Variants in SNX9 observed in about 807,000 individuals in gnomAD.
The protein encoded by SNX9 is sorting nexin-9.
Under a neutral mutation model 89.4 loss-of-function variants are expected in SNX9, and 44 were observed. The observed-to-expected ratio is 0.49, with a 90% CI of 0.39 to 0.63. SNX9 has a LOEUF of 0.63. Among genes scored for constraint, SNX9 ranks in the 30% least tolerant of loss-of-function variants. The probability of loss-of-function intolerance (pLI) is 0.00; values close to 1 mark genes in which losing one functional copy is unlikely to be tolerated. For missense variants in SNX9, 578 were observed against 736.1 expected, an observed-to-expected ratio of 0.79 and a Z score of 2.49; for synonymous variants, 236 against 247.8, an observed-to-expected ratio of 0.95 and a Z score of 0.45.
At chr6:157,893,650 G>T (rs2115161074) in intron 4 of SNX9, among the ~76,000 whole-genome samples, 1 of 151,598 alleles carries the variant, frequency 6.6e-6, no homozygotes, top group Middle Eastern at 3.4e-3. Flanking sequence ...CTCAAATAAA[G>T]GGGAAGACTT....
chr6:157,915,143 A>G (rs1420456715), intron 9 of SNX9, among the ~76,000 whole-genome samples: 1 of 152,168 alleles, frequency 6.6e-6, no homozygotes, highest in African/African-American at 2.4e-5. Flanking sequence ...ATTCTGCTCC[A>G]TTGATTTATG....
Position 157,871,527 on chromosome 6 carries a change from G to A in SNX9, c.100-1575G>A, listed in dbSNP as rs375872658. ...GGAACGTCGCACACCAGGGCCTGTC[G>A]TCGGGTGGGAGGAGGGGGGAGGGAT... On this transcript the variant is annotated intron_variant, in intron 2 of 17. Coordinates refer to ENST00000392185, the MANE Select transcript of SNX9 (RefSeq NM_016224.5). Among the ~76,000 whole-genome samples the A allele has an allele frequency of 4.5e-4, 69 of 152,068 alleles. 1 individual carries two copies. The East Asian group carries it at 9.5e-3, about 21-fold the overall frequency.
intron 5 of SNX9, 119 bp downstream of exon 5, chr6:157,897,117 C>A: frequency 1.0e-6 from 1 of 993,608 alleles, no homozygotes; most frequent in Non-Finnish European, 1.4e-6. Flanking sequence ...GTTTTGTGAC[C>A]ACAGCATGGG....
intron 9 of SNX9, among the ~76,000 whole-genome samples, chr6:157,914,139 A>T (rs1451613642): frequency 6.6e-6 from 1 of 152,212 alleles, no homozygotes; most frequent in African/African-American, 2.4e-5. Context: ...GTAGTTCCAC[A>T]TCCCTACCTG....
rs777149323 is a variant in SNX9, at chr6:157,875,135, A to G, written c.259A>G (p.Thr87Ala). Residue 87 changes from threonine (T) to alanine (A), a missense_variant, in exon 4 of 18, where the codon ACA becomes GCA. By Grantham distance (58) the Thr-to-Ala change is moderately conservative. Coordinates refer to ENST00000392185, the MANE Select transcript of SNX9 (RefSeq NM_016224.5). ...CTTCCTTGATTCTCTCTCAGCCAGC[A>G]CAGCTCAGGCCAGTTCGTCGGCTGC... ...QAFLDSLSAS[T>A]AQASSSAASN... 3 of 1,614,060 alleles carry G rather than the reference A, an allele frequency of 1.9e-6. No homozygotes were observed. Among genetic ancestry groups the G allele is most frequent in the Non-Finnish European group, 1.7e-6 (2 of 1,179,960 alleles).
Position 157,943,869 on chromosome 6 carries a change from G to C in SNX9, c.*1031G>C, listed in dbSNP as rs990979841. The C allele has an allele frequency of 1.3e-5, 2 of 152,334 alleles. No individual in the cohort carries two copies. Among genetic ancestry groups the C allele is most frequent in the African/African-American group, 4.8e-5 (2 of 41,404 alleles). The allele number at this position is 152,334 out of a possible 1,614,324, so 9.4% of individuals were successfully genotyped here. A position where few individuals can be genotyped will look rare whatever the true frequency, so the allele number is the denominator to read the frequency against. On this transcript the variant is annotated 3_prime_UTR_variant, in exon 18 of 18. Transcript: ENST00000392185. The stretch of plus-strand genomic sequence containing the variant: ...GGTTCATGGCCAGTTGGTGTCATCA[G>C]CAAAGAGAAAAAGCACAGGTTAGCT...
chr6:157,861,256 T>C (rs1782113023), intron 1 of SNX9, among the ~76,000 whole-genome samples: 1 of 152,226 alleles, frequency 6.6e-6, no homozygotes, highest in Non-Finnish European at 1.5e-5. Flanking sequence ...ATTAAAGAAA[T>C]TGCTTCTCAA....
Position 157,823,333 on chromosome 6 carries a change from G to C in SNX9, c.-102G>C, listed in dbSNP as rs1781272094. On this transcript the variant is annotated 5_prime_UTR_variant, in exon 1 of 18. Coordinates refer to ENST00000392185, the MANE Select transcript of SNX9 (RefSeq NM_016224.5). The surrounding 1 kb of genome is among the most constrained non-coding windows in gnomAD (Gnocchi z 4.6). The stretch of plus-strand genomic sequence containing the variant: ...GCGGCCGCCGCGCCGGGGCCCAGCC[G>C]GAGCCGCCGCCCTCGCCCTTGCCTT... 1.9e-6 allele frequency: 2 copies of C among 1,076,800 alleles called. No homozygotes were observed. Among genetic ancestry groups the C allele is most frequent in the Non-Finnish European group, 2.3e-6 (2 of 862,904 alleles). The allele number at this position is 1,076,800 out of a possible 1,614,324, so 66.7% of individuals were successfully genotyped here.
At chr6:157,870,651 C>T (rs1294963868) in intron 2 of SNX9, among the ~76,000 whole-genome samples, 2 of 150,308 alleles carry the variant, frequency 1.3e-5, no homozygotes, top group Non-Finnish European at 1.5e-5. Flanking sequence ...CCTGCTCTCA[C>T]ACAGATGCAG....
intron 9 of SNX9, among the ~76,000 whole-genome samples, chr6:157,921,225 A>G (rs998151732): frequency 6.6e-6 from 1 of 152,154 alleles, no homozygotes; most frequent in Non-Finnish European, 1.5e-5. Flanking sequence ...TTTTTTTAGT[A>G]CTTTAAGGAT....
At chr6:157,879,258 C>G (rs1188788651) in intron 4 of SNX9, among the ~76,000 whole-genome samples, 1 of 152,210 alleles carries the variant, frequency 6.6e-6, no homozygotes, top group African/African-American at 2.4e-5. Context: ...AAATGTCTGT[C>G]AGCAGGGGAC....
chr6:157,940,847 A>G (rs1784021548), intron 16 of SNX9, 36 bp from the exon 17 acceptor site: 2 of 1,590,360 alleles, frequency 1.3e-6, no homozygotes, highest in Non-Finnish European at 1.7e-6. Context: ...TGAAAACTTG[A>G]GGGAAAACTG....
intron 9 of SNX9, among the ~76,000 whole-genome samples, chr6:157,915,638 A>ATATATATAT (rs1341603130): frequency 1.5e-3 from 112 of 76,984 alleles, no homozygotes; most frequent in African/African-American, 6.0e-3. Context: ...AAAAAAAAAA[A>ATATATATAT]AAATATATAT....
rs967091125 is a variant in SNX9 at position 157,943,155 on chromosome 6, TTA to T, written c.*321_*322del. ...CTGATATTTTACATAGAGTCATAAT[TTA>T]TATGTCTTATAAATTATAAGTCTTA... On this transcript the variant is annotated 3_prime_UTR_variant, in exon 18 of 18. Coordinates refer to ENST00000392185, the MANE Select transcript of SNX9 (RefSeq NM_016224.5). The T allele has an allele frequency of 9.2e-5, 20 of 217,566 alleles. No homozygotes were observed. Among genetic ancestry groups the T allele is most frequent in the Admixed American group, 6.9e-4 (12 of 17,366 alleles). 13.5% of individuals were successfully genotyped at this position (217,566 alleles called of 1,614,324 possible). A position where few individuals can be genotyped will look rare whatever the true frequency, so the allele number is the denominator to read the frequency against.
intron 7 of SNX9, 131 bp downstream of exon 7, chr6:157,906,343 A>G: frequency 1.5e-6 from 1 of 661,162 alleles, no homozygotes; most frequent in Non-Finnish European, 2.5e-6. Context: ...ATAACTGATA[A>G]TATATGTTAG....
intron 1 of SNX9, among the ~76,000 whole-genome samples, chr6:157,834,115 C>T (rs11754196): frequency 0.15 from 18,705 of 124,434 alleles, 1,463 homozygotes; most frequent in Non-Finnish European, 0.19. Context: ...TTGATCTGAT[C>T]GGATTTTGGA....
intron 1 of SNX9, among the ~76,000 whole-genome samples, chr6:157,842,300 A>G (rs1781718133): frequency 6.6e-6 from 1 of 152,226 alleles, no homozygotes; most frequent in African/African-American, 2.4e-5. Context: ...TGCCACAGGT[A>G]ATGTGACCAT....
chr6:157,907,903 C>T (rs954185926), intron 7 of SNX9, among the ~76,000 whole-genome samples: 2 of 152,226 alleles, frequency 1.3e-5, no homozygotes, highest in Non-Finnish European at 2.9e-5. Context: ...AGGGAGGTCC[C>T]GAAAGTCATC....
At chr6:157,912,737 CTTTA>C (rs910746268) in intron 9 of SNX9, among the ~76,000 whole-genome samples, 1 of 152,084 alleles carries the variant, frequency 6.6e-6, no homozygotes, top group Admixed American at 6.5e-5. Flanking sequence ...GTTAACATTT[CTTTA>C]TTTGTTTAGA....
Sources: gnomAD v4.1 joint callset for allele counts (sites outside exome capture counted in the v4.1 genomes callset) on GRCh38, gnomAD v4.1.1 for gene constraint, Gnocchi (gnomAD v3.1) non-coding constraint, MANE v1.5 for transcripts, NCBI Gene and HGNC (gene_info 2026-07-23, HGNC 2026-07-21) for gene names.